ATP9B: variants seen among roughly 807,000 people sequenced by gnomAD.
The protein encoded by ATP9B is ATPase phospholipid transporting 9B.
Under a neutral mutation model 146.1 loss-of-function variants are expected in ATP9B, and 110 were observed. The ratio of observed to expected loss-of-function variants is 0.75; its 90% CI spans 0.65 to 0.88. The LOEUF is 0.88. Ranked by LOEUF, ATP9B falls within the 40% of genes least tolerant of loss-of-function variation. ATP9B has a pLI of 0.00. For synonymous variants in ATP9B, 604 were observed against 569.7 expected, an observed-to-expected ratio of 1.06 and a Z score of -0.86; for missense variants, 1,499 against 1,496.4, an observed-to-expected ratio of 1.00 and a Z score of -0.03.
In ATP9B at chr18:79,110,397, G is replaced by A. The variant is rs492657; in HGVS notation, c.336G>A (p.Glu112=). ...TAAATATTTGTCGAAGAAAGAAAGA[G>A]CTGAAAGCTCGCACAGTATGGCTTG... ...WLINICRRKK[E]LKARTVWLGC... Residue 112 remains glutamate (E), a synonymous_variant, in exon 3 of 30, where the codon GAG becomes GAA. Coordinates refer to ENST00000426216, the MANE Select transcript of ATP9B (RefSeq NM_198531.5). The A allele has an allele frequency of 0.095, 152,125 of 1,607,736 alleles. 9,002 individuals are homozygous for A. The highest frequency in any genetic ancestry group is 0.27 in the African/African-American group (20,037 of 74,682).
chr18:79,170,760 C>T (rs746736514), intron 7 of ATP9B, among the ~76,000 whole-genome samples: 4 of 152,146 alleles, frequency 2.6e-5, no homozygotes, highest in African/African-American at 4.8e-5. Flanking sequence ...CAGATTAGTT[C>T]GTCTGCTGAG....
intron 5 of ATP9B, among the ~76,000 whole-genome samples, chr18:79,140,509 T>C (rs1203778126): frequency 6.6e-6 from 1 of 152,112 alleles, no homozygotes; most frequent in Non-Finnish European, 1.5e-5. Flanking sequence ...GCACGGTGGC[T>C]CATGCCTGTA....
chr18:79,188,911 A>T (rs2095335099), intron 8 of ATP9B, among the ~76,000 whole-genome samples: 1 of 149,432 alleles, frequency 6.7e-6, no homozygotes. Context: ...TTTAGTTTGC[A>T]GTATTCTGTT....
intron 15 of ATP9B, among the ~76,000 whole-genome samples, chr18:79,307,811 TTTAA>T (rs2096627641): frequency 1.3e-5 from 2 of 152,244 alleles, no homozygotes; most frequent in Non-Finnish European, 2.9e-5. Flanking sequence ...ATTAAATTTG[TTTAA>T]TTAATGTCTT....
At chr18:79,311,186 A>G (rs2096650591) in intron 15 of ATP9B, among the ~76,000 whole-genome samples, 1 of 152,188 alleles carries the variant, frequency 6.6e-6, no homozygotes, top group Non-Finnish European at 1.5e-5. Context: ...CTGGGGCTGG[A>G]CATTTCTCCA....
At chr18:79,096,385 G>A (rs2074782625) in intron 1 of ATP9B, 91 bp from the exon 2 acceptor site, 1 of 1,212,288 alleles carries the variant, frequency 8.2e-7, no homozygotes, top group African/African-American at 1.6e-5. Flanking sequence ...GCTGAAGACA[G>A]CCTAATTTGA....
At position 79,179,814 on chromosome 18, in the gene ATP9B, A is replaced by G. The variant is rs150543356; in HGVS notation, c.873+2907A>G. On this transcript the variant is annotated intron_variant, in intron 8 of 29. Transcript: ENST00000426216. Reference sequence around the variant, plus strand: ...TGTTCATTAGGTCAAGCTAATGGAAAGTGTTGTTTAAAAAAGTTTTATAGT... The same window carrying G: ...TGTTCATTAGGTCAAGCTAATGGAAGGTGTTGTTTAAAAAAGTTTTATAGT... 2.8e-4 allele frequency among the ~76,000 whole-genome samples: 42 copies of G among 152,294 alleles called. 1 individual carries two copies. In the East Asian group the frequency reaches 8.1e-3, roughly 29 times the overall value.
intron 13 of ATP9B, among the ~76,000 whole-genome samples, chr18:79,282,411 T>C (rs1278646489): frequency 3.9e-5 from 6 of 152,174 alleles, no homozygotes; most frequent in Non-Finnish European, 5.9e-5. Context: ...TGTTGTCTTA[T>C]TTAAGGAATT....
At chr18:79,298,464 A>T (rs1347986244) in intron 13 of ATP9B, among the ~76,000 whole-genome samples, 1 of 146,558 alleles carries the variant, frequency 6.8e-6, no homozygotes, top group Non-Finnish European at 1.5e-5. Context: ...ACCAAAATAG[A>T]CCGAAATAAA....
At chr18:79,105,226 G>A (rs2075576524) in intron 2 of ATP9B, among the ~76,000 whole-genome samples, 1 of 152,200 alleles carries the variant, frequency 6.6e-6, no homozygotes, top group Non-Finnish European at 1.5e-5. Flanking sequence ...ATTTTCAGTT[G>A]TGAATGTTTG....
intron 6 of ATP9B, among the ~76,000 whole-genome samples, chr18:79,148,875 G>A (rs930644999): frequency 5.3e-5 from 8 of 152,146 alleles, no homozygotes; most frequent in African/African-American, 1.7e-4. Context: ...ATCGTGTCAA[G>A]TTATAAGATT....
At chr18:79,102,268 G>T (rs2075335930) in intron 2 of ATP9B, among the ~76,000 whole-genome samples, 1 of 152,144 alleles carries the variant, frequency 6.6e-6, no homozygotes, top group Non-Finnish European at 1.5e-5. Flanking sequence ...TTTGTGAATT[G>T]TGCTTTTGGT....
intron 7 of ATP9B, among the ~76,000 whole-genome samples, chr18:79,167,630 CT>C (rs58847951): frequency 2.0e-5 from 3 of 152,066 alleles, no homozygotes; most frequent in African/African-American, 7.2e-5. Context: ...CCGAAACTCG[CT>C]TTTTTTATGA....
At chr18:79,122,724 C>T (rs2094210935) in intron 4 of ATP9B, among the ~76,000 whole-genome samples, 1 of 152,110 alleles carries the variant, frequency 6.6e-6, no homozygotes, top group Non-Finnish European at 1.5e-5. Flanking sequence ...TTTGGCTTTT[C>T]ATATTCATTT....
intron 1 of ATP9B, 31 bp downstream of exon 1, chr18:79,069,560 G>T: frequency 7.8e-7 from 1 of 1,275,800 alleles, no homozygotes; most frequent in Non-Finnish European, 1.0e-6. Flanking sequence ...CCCGTTCCCC[G>T]CCGACGCTCC....
intron 21 of ATP9B, among the ~76,000 whole-genome samples, chr18:79,345,114 G>A (rs548971783): frequency 1.3e-5 from 2 of 152,170 alleles, no homozygotes; most frequent in African/African-American, 4.8e-5. Context: ...AAGGCAGCTT[G>A]GATTCCAGGG....
At chr18:79,176,134 G>A (rs183597512) in intron 7 of ATP9B, among the ~76,000 whole-genome samples, 1 of 152,188 alleles carries the variant, frequency 6.6e-6, no homozygotes, top group East Asian at 1.9e-4. Context: ...CTCGTCCTCT[G>A]TTTGTTCCCC....
At position 79,344,262 on chromosome 18, in the gene ATP9B, G is replaced by A; in HGVS notation, c.2383-3G>A. ...TTGGGATTCTTTTTCTCCCTTAATG[G>A]AGGTAACCAGTCGGGGAGAGGCACA... On this transcript the variant is annotated splice_polypyrimidine_tract_variant and splice_region_variant and intron_variant, in intron 20 of 29. Coordinates refer to ENST00000426216, the MANE Select transcript of ATP9B (RefSeq NM_198531.5). The A allele has an allele frequency of 6.2e-7, 1 of 1,613,940 alleles. No homozygotes were observed.
chr18:79,076,542 G>C (rs1302079651), intron 1 of ATP9B, among the ~76,000 whole-genome samples: 2 of 152,030 alleles, frequency 1.3e-5, no homozygotes, highest in Non-Finnish European at 1.5e-5. Flanking sequence ...TTTTCCTTTT[G>C]AGATAGGTGT....
Sources: allele counts gnomAD v4.1 joint callset (sites outside exome capture counted in the v4.1 genomes callset), GRCh38; gene constraint gnomAD v4.1.1; transcripts MANE v1.5; gene names NCBI Gene and HGNC (gene_info 2026-07-23, HGNC 2026-07-21).